The following MVB12B variants were observed in gnomAD, a reference collection of about 807,000 sequenced individuals.
MVB12B encodes ESCRT-I complex subunit MVB12B.
MVB12B carries 16 observed loss-of-function variants against 41.6 expected under a neutral mutation model. That is an observed-to-expected ratio of 0.38 (90% confidence interval 0.26 to 0.58). MVB12B has a LOEUF of 0.58. Ranked by LOEUF, MVB12B falls within the 20% of genes least tolerant of loss-of-function variation. The pLI is 0.62. For synonymous variants in MVB12B, 133 were observed against 139.7 expected, an observed-to-expected ratio of 0.95 and a Z score of 0.34; for missense variants, 274 against 380.2, an observed-to-expected ratio of 0.72 and a Z score of 2.32.
intron 6 of MVB12B, among the ~76,000 whole-genome samples, chr9:126,409,683 A>G (rs962419419): frequency 4.6e-5 from 7 of 152,166 alleles, no homozygotes; most frequent in Non-Finnish European, 1.0e-4. Context: ...ACCCCACAGC[A>G]TCAGAGACTG....
chr9:126,379,019 G>A (rs564883738), intron 2 of MVB12B, among the ~76,000 whole-genome samples: 40 of 152,214 alleles, frequency 2.6e-4, no homozygotes, highest in African/African-American at 8.4e-4. Context: ...CCTTCTAGAC[G>A]CCCTTGTCTC....
At chr9:126,396,705 A>G (rs752045936) in intron 6 of MVB12B, 131 of 985,322 alleles carry the variant, frequency 1.3e-4, no homozygotes, top group Non-Finnish European at 1.5e-4. Context: ...ATCCCCCTAT[A>G]AAGACAATCT....
intron 7 of MVB12B, among the ~76,000 whole-genome samples, chr9:126,439,244 TG>T (rs952880652): frequency 1.4e-5 from 2 of 147,502 alleles, no homozygotes; most frequent in African/African-American, 5.1e-5. Flanking sequence ...CTGAGAGCTC[TG>T]GGCAGGGAGC....
chr9:126,362,122 A>G (rs1299338382), intron 2 of MVB12B, among the ~76,000 whole-genome samples: 3 of 152,130 alleles, frequency 2.0e-5, no homozygotes, highest in Admixed American at 6.5e-5. Flanking sequence ...CTCAAGGCTC[A>G]TTGATCTTCT....
chr9:126,493,296 G>A (rs76903112), intron 9 of MVB12B, among the ~76,000 whole-genome samples: 13 of 152,098 alleles, frequency 8.5e-5, no homozygotes, highest in East Asian at 5.8e-4. Context: ...AACATTAGCC[G>A]GTTTTCTTAA....
At chr9:126,479,497 C>T (rs897365771) in intron 7 of MVB12B, among the ~76,000 whole-genome samples, 2 of 152,182 alleles carry the variant, frequency 1.3e-5, no homozygotes, top group East Asian at 1.9e-4. Flanking sequence ...CAGGTCTGCA[C>T]GCGGGATGTA....
chr9:126,458,316 A>AC (rs1194315489), intron 7 of MVB12B, among the ~76,000 whole-genome samples: 3 of 152,034 alleles, frequency 2.0e-5, no homozygotes, highest in Non-Finnish European at 2.9e-5. Flanking sequence ...ACCCCTAGGA[A>AC]CCCTGTCAGG....
At chr9:126,390,525 A>G (rs1365221265) in intron 4 of MVB12B, among the ~76,000 whole-genome samples, 1 of 152,260 alleles carries the variant, frequency 6.6e-6, no homozygotes, top group Admixed American at 6.5e-5. Context: ...CTAGAGCACC[A>G]ACTCCTTACT....
chr9:126,464,593 A>ATGG (rs1369193446), intron 7 of MVB12B, among the ~76,000 whole-genome samples: 3 of 152,224 alleles, frequency 2.0e-5, no homozygotes, highest in African/African-American at 7.2e-5. Context: ...TTGGCCATGA[A>ATGG]TGGATCTTCT....
chr9:126,467,599 G>A (rs12683116), intron 7 of MVB12B, among the ~76,000 whole-genome samples: 31,436 of 152,170 alleles, frequency 0.21, 3,496 homozygotes, highest in Admixed American at 0.27. Context: ...ATATAAGGAA[G>A]AGGTTTCCCT....
chr9:126,376,623 A>AG lies in MVB12B; in HGVS notation c.205-4439dup. 2.3e-6 allele frequency: 3 copies of AG among 1,289,332 alleles called. No individual in the cohort carries two copies. Among genetic ancestry groups the AG allele is most frequent in the Non-Finnish European group, 3.0e-6 (3 of 988,826 alleles). 79.9% of individuals were successfully genotyped at this position (1,289,332 alleles called of 1,614,324 possible). ...TCAGGGGAGGCGGCTGGAAGCAAGA[A>AG]GGAGGGTAAGCGCGGGTGGCAGGGA... On this transcript the variant is annotated intron_variant, in intron 2 of 9. Coordinates refer to ENST00000361171, the MANE Select transcript of MVB12B (RefSeq NM_033446.3). This position sits in a 1 kb window ranked among gnomAD's most constrained non-coding sequence, Gnocchi z 4.1.
At chr9:126,351,025 T>TGGATAGTAC (rs1397898301) in intron 2 of MVB12B, among the ~76,000 whole-genome samples, 1 of 152,238 alleles carries the variant, frequency 6.6e-6, no homozygotes, top group Non-Finnish European at 1.5e-5. Context: ...GAACATAGTA[T>TGGATAGTAC]GTCTCTTCAT....
At chr9:126,363,737 C>T (rs905197221) in intron 2 of MVB12B, among the ~76,000 whole-genome samples, 1 of 152,162 alleles carries the variant, frequency 6.6e-6, no homozygotes, top group Non-Finnish European at 1.5e-5. Context: ...TTTGCTCCTT[C>T]CCTAATTTTC....
chr9:126,331,558 C>A (rs1345010287), intron 1 of MVB12B, among the ~76,000 whole-genome samples: 2 of 152,186 alleles, frequency 1.3e-5, no homozygotes, highest in East Asian at 3.8e-4. Flanking sequence ...TCCTCCCATT[C>A]CATAGGTTGC....
At chr9:126,405,962 A>G (rs771074017) in intron 6 of MVB12B, among the ~76,000 whole-genome samples, 2 of 151,220 alleles carry the variant, frequency 1.3e-5, no homozygotes, top group Admixed American at 6.6e-5. Context: ...ACACACAGAG[A>G]TAGATATATA....
At chr9:126,394,475 G>C (rs1035126326) in intron 5 of MVB12B, among the ~76,000 whole-genome samples, 3 of 152,158 alleles carry the variant, frequency 2.0e-5, no homozygotes, top group African/African-American at 7.2e-5. Flanking sequence ...CTTTTCCAGA[G>C]GAAGACAATT....
At chr9:126,432,915 T>G (rs1031553131) in intron 7 of MVB12B, among the ~76,000 whole-genome samples, 1 of 152,182 alleles carries the variant, frequency 6.6e-6, no homozygotes, top group Admixed American at 6.5e-5. Flanking sequence ...CTCAGCACTG[T>G]TTAAACTCTC....
In MVB12B at chr9:126,478,813, C is replaced by T. The variant is rs1833468477; in HGVS notation, c.758-2556C>T. Reference sequence around the variant, plus strand: ...GATGTAATCAGGTCTTTGCACATCACCTTACCACCTTCGTAACACACAGGA... The same window carrying T: ...GATGTAATCAGGTCTTTGCACATCATCTTACCACCTTCGTAACACACAGGA... On this transcript the variant is annotated intron_variant, in intron 7 of 9. Coordinates refer to ENST00000361171, the MANE Select transcript of MVB12B (RefSeq NM_033446.3). The surrounding 1 kb of genome is among the most constrained non-coding windows in gnomAD (Gnocchi z 4.2). Among the ~76,000 whole-genome samples the T allele has an allele frequency of 6.6e-6, 1 of 152,186 alleles. No homozygotes were observed. Among genetic ancestry groups the T allele is most frequent in the African/African-American group, 2.4e-5 (1 of 41,450 alleles).
At chr9:126,347,473 G>C (rs554635080) in intron 2 of MVB12B, among the ~76,000 whole-genome samples, 1 of 152,326 alleles carries the variant, frequency 6.6e-6, no homozygotes, top group East Asian at 1.9e-4. Context: ...CCAAAACGTA[G>C]TAGGAATTTC....
Sources: gnomAD v4.1 joint callset for allele counts (sites outside exome capture counted in the v4.1 genomes callset) on GRCh38, gnomAD v4.1.1 for gene constraint, Gnocchi (gnomAD v3.1) non-coding constraint, MANE v1.5 for transcripts, NCBI Gene and HGNC (gene_info 2026-07-23, HGNC 2026-07-21) for gene names.